GABRQ: variants seen among roughly 807,000 people sequenced by gnomAD.
GABRQ encodes the protein gamma-aminobutyric acid receptor subunit theta.
A neutral mutation model predicts 30.5 loss-of-function variants in GABRQ; 19 were observed. That is an observed-to-expected ratio of 0.62 (90% CI 0.43 to 0.91). GABRQ has a LOEUF of 0.91. Ranked by LOEUF, GABRQ falls within the 40% of genes least tolerant of loss-of-function variation. GABRQ has a pLI of 0.00. For missense variants in GABRQ, 520 were observed against 521.4 expected, an observed-to-expected ratio of 1.00 and a Z score of 0.03; for synonymous variants, 187 against 210.2, an observed-to-expected ratio of 0.89 and a Z score of 0.95.
At chrX:152,640,242 G>A (rs1319954782) in intron 1 of GABRQ, 136 bp from the exon 2 acceptor site, 2 of 499,054 alleles carry the variant, frequency 4.0e-6, no homozygotes, top group African/African-American at 4.6e-5. Flanking sequence ...AGGGAGGGGA[G>A]CAGGGAGAGA....
chrX:152,639,985 G>A (rs1188944515), intron 1 of GABRQ, among the ~76,000 whole-genome samples: 1 of 111,700 alleles, frequency 9.0e-6, no homozygotes, highest in Non-Finnish European at 1.9e-5. Context: ...AAACAGCGTC[G>A]AGGCTGATTG....
In GABRQ at chrX:152,651,527, C is replaced by T; in HGVS notation, c.903C>T (p.Gly301=). The T allele has an allele frequency of 7.5e-6, 9 of 1,207,905 alleles. No individual in the cohort carries two copies. The highest frequency in any genetic ancestry group is 1.0e-5 in the Non-Finnish European group (9 of 891,917). The change falls in exon 8 of 9, where the codon GGC becomes GGT. Residue 301 remains glycine, a splice_region_variant and synonymous_variant. Coordinates refer to ENST00000598523, the MANE Select transcript of GABRQ (RefSeq NM_018558.4). ...YDSSAARVTI[G]LTSMLILTTI... The stretch of plus-strand genomic sequence containing the variant: ...AAGTCTGTACTGTGTTGCTTACAGG[C>T]TTAACTTCAATGCTCATCCTGACCA...
At chrX:152,652,440 A>T in intron 8 of GABRQ, 101 bp from the exon 9 acceptor site, 1 of 705,657 alleles carries the variant, frequency 1.4e-6, no homozygotes, top group Non-Finnish European at 2.2e-6. Flanking sequence ...CAGTAACATT[A>T]CAAGTGCTGA....
intron 2 of GABRQ, among the ~76,000 whole-genome samples, chrX:152,641,511 G>A (rs976298605): frequency 8.0e-5 from 9 of 112,241 alleles, no homozygotes; most frequent in Non-Finnish European, 1.7e-4. Flanking sequence ...CCTGGGGAGC[G>A]CCACCTTGAA....
At chrX:152,640,768 C>G (rs1004866180) in intron 2 of GABRQ, among the ~76,000 whole-genome samples, 3 of 111,918 alleles carry the variant, frequency 2.7e-5, no homozygotes, top group Non-Finnish European at 3.8e-5. Context: ...GTACAGGATG[C>G]GGCGCGCTGT....
intron 2 of GABRQ, among the ~76,000 whole-genome samples, chrX:152,644,212 C>T (rs374620809): frequency 1.8e-5 from 2 of 111,120 alleles, no homozygotes; most frequent in South Asian, 7.7e-4. Flanking sequence ...AACACACTCA[C>T]AAATTCACTC....
chrX:152,658,811 AC>A (rs1476897228), downstream of GABRQ, among the ~76,000 whole-genome samples: 1 of 110,779 alleles, frequency 9.0e-6, no homozygotes, highest in Non-Finnish European at 1.9e-5. Flanking sequence ...CTAATCAAAA[AC>A]CCTCTTGTTA....
chrX:152,651,793 T>C lies in GABRQ; in HGVS notation c.1158+11T>C, dbSNP rs1931029908. On this transcript the variant is annotated intron_variant, in intron 8 of 8. Transcript: ENST00000598523. ...GTAGGAAACGTGCAGGTTTGACTTT[T>C]TGACTGACAATCAGCTTTCCCTGAG... 1.7e-6 allele frequency: 2 copies of C among 1,205,330 alleles called. No individual in the cohort carries two copies. The highest frequency in any genetic ancestry group is 1.1e-6 in the Non-Finnish European group (1 of 891,739).
chrX:152,651,985 C>G (rs1308571203), intron 8 of GABRQ, among the ~76,000 whole-genome samples: 2 of 113,188 alleles, frequency 1.8e-5, no homozygotes, highest in Non-Finnish European at 3.7e-5. Flanking sequence ...TGTCCAAGGT[C>G]ACAAGGCAAG....
At chrX:152,640,172 G>GT (rs113990708) in intron 1 of GABRQ, among the ~76,000 whole-genome samples, 1 of 109,974 alleles carries the variant, frequency 9.1e-6, no homozygotes, top group Non-Finnish European at 1.9e-5. Flanking sequence ...TGGGAAGGTG[G>GT]GGGGGGGAGG....
rs781830996 is a variant in GABRQ, at chrX:152,650,024, A to G, written c.748+145A>G. The G allele has an allele frequency of 1.7e-5, 8 of 477,057 alleles. No individual in the cohort carries two copies. The East Asian group carries it at 2.1e-4, about 13-fold the overall frequency. The allele number at this position is 477,057 out of a possible 1,213,427, so 39.3% of individuals were successfully genotyped here. A position where few individuals can be genotyped will look rare whatever the true frequency, so the allele number is the denominator to read the frequency against. ...TCCAGGCCCCCTTAAGAAAGCCCCA[A>G]TGACTCATCCACCGCCAATGAGGAA... On this transcript the variant is annotated intron_variant, in intron 6 of 8. Coordinates refer to ENST00000598523, the MANE Select transcript of GABRQ (RefSeq NM_018558.4).
At position 152,640,459 on chromosome X, in the gene GABRQ, T is replaced by G. The variant is rs782330974; in HGVS notation, c.231T>G (p.Asn77Lys). The change falls in exon 2 of 9, where the codon AAT (asparagine) becomes AAG (lysine). Residue 77 changes from asparagine (N) to lysine (K), a missense_variant. By Grantham distance (94) the Asn-to-Lys change is moderately conservative. Transcript: ENST00000598523. ...GATACGATGTCCGCCTGAGACCGAA[T>G]TTTGGAGGTAAGGCATATCCAGACA... is the stretch of plus-strand genomic sequence containing the variant. ...LSRYDVRLRP[N>K]FGGAPVPVRI... The G allele has an allele frequency of 2.6e-6, 3 of 1,156,344 alleles. No homozygotes were observed. Among genetic ancestry groups the G allele is most frequent in the Non-Finnish European group, 3.6e-6 (3 of 844,898 alleles).
At chrX:152,640,774 G>A (rs375148722) in intron 2 of GABRQ, among the ~76,000 whole-genome samples, 1 of 111,923 alleles carries the variant, frequency 8.9e-6, no homozygotes, top group Non-Finnish European at 1.9e-5. Flanking sequence ...GATGCGGCGC[G>A]CTGTGTTCCT....
chrX:152,653,668 C>CT lies in GABRQ; in HGVS notation c.*388dup. 6.9e-6 allele frequency: 1 copy of CT among 145,443 alleles called. No homozygotes were observed. The highest frequency in any genetic ancestry group is 1.3e-5 in the Non-Finnish European group (1 of 74,514). 12.0% of individuals were successfully genotyped at this position (145,443 alleles called of 1,213,427 possible). On this transcript the variant is annotated 3_prime_UTR_variant, in exon 9 of 9. Transcript: ENST00000598523. ...CCACAAACATTTCTGGGGGGCTTTT[C>CT]TGTCCCCCTTGAGGTGTCAACATTT...
In GABRQ at chrX:152,656,361, C is replaced by T. The variant is rs1556821165; in HGVS notation, c.*3080C>T. ...TGGGCAGCATCTGGGATGCAACAAC[C>T]CCTATTTTACTCTTCTACCCACCTT... On this transcript the variant is annotated 3_prime_UTR_variant, in exon 9 of 9. Coordinates refer to ENST00000598523, the MANE Select transcript of GABRQ (RefSeq NM_018558.4). 9.0e-6 allele frequency: 1 copy of T among 111,536 alleles called. No homozygotes were observed. The highest frequency in any genetic ancestry group is 2.8e-4 in the East Asian group (1 of 3,529). The allele number at this position is 111,536 out of a possible 1,213,427, so 9.2% of individuals were successfully genotyped here. A position where few individuals can be genotyped will look rare whatever the true frequency, so the allele number is the denominator to read the frequency against.
At position 152,650,795 on chromosome X, in the gene GABRQ, T is replaced by C. The variant is rs186054144; in HGVS notation, c.901+215T>C. Among the ~76,000 whole-genome samples, 9 of 111,119 alleles carry C rather than the reference T, an allele frequency of 8.1e-5. No homozygotes were observed. The East Asian group carries it at 2.6e-3, about 32-fold the overall frequency. ...AGACAGATGTGAAAAAAAATCAAGG[T>C]TGGAATCTTGGCCCGTTGAGCCCCG... On this transcript the variant is annotated intron_variant, in intron 7 of 8. Transcript: ENST00000598523.
At chrX:152,647,448 C>T (rs1293560267) in intron 4 of GABRQ, among the ~76,000 whole-genome samples, 1 of 111,722 alleles carries the variant, frequency 9.0e-6, no homozygotes, top group African/African-American at 3.3e-5. Context: ...CCTTGCCCAC[C>T]CTGAAATCCC....
At chrX:152,648,120 C>T (rs1163649420) in intron 4 of GABRQ, among the ~76,000 whole-genome samples, 3 of 111,676 alleles carry the variant, frequency 2.7e-5, no homozygotes, top group African/African-American at 9.8e-5. Context: ...GAGAAAAACA[C>T]ACATGCACTC....
chrX:152,653,227 C>T lies in GABRQ; in HGVS notation c.1845C>T (p.Phe615=), dbSNP rs1388297040. Residue 615 remains phenylalanine (F), a synonymous_variant, in exon 9 of 9, where the codon TTC becomes TTT. Coordinates refer to ENST00000598523, the MANE Select transcript of GABRQ (RefSeq NM_018558.4). ...TCGACAAGTGGTCCCGGTTCCTCTTCCCTCTGGCCTTTGGGTTGTTCAACA... is the reference window on the plus strand; with the variant it reads ...TCGACAAGTGGTCCCGGTTCCTCTTTCCTCTGGCCTTTGGGTTGTTCAACA... ...PKVDKWSRFL[F]PLAFGLFNIV... 2 of 1,206,510 alleles carry T rather than the reference C, an allele frequency of 1.7e-6. No individual in the cohort carries two copies.
Sources: gnomAD v4.1 joint callset for allele counts (sites outside exome capture counted in the v4.1 genomes callset) on GRCh38, gnomAD v4.1.1 for gene constraint, MANE v1.5 for transcripts, NCBI Gene and HGNC (gene_info 2026-07-23, HGNC 2026-07-21) for gene names.